GLIS3: variants seen among roughly 807,000 people sequenced by gnomAD.
The protein encoded by GLIS3 is zinc finger protein GLIS3.
In GLIS3, 53 loss-of-function variants were observed where a neutral mutation model predicts 78.6. The ratio of observed to expected loss-of-function variants is 0.67; its 90% CI spans 0.54 to 0.85. The LOEUF is 0.85. GLIS3 is among the 40% of genes least tolerant of loss of function. GLIS3 has a pLI of 0.00. For synonymous variants in GLIS3, 684 were observed against 509.9 expected (o/e 1.34, Z -4.60); for missense variants, 1,703 against 1,231.1 (o/e 1.38, Z -5.74).
chr9:4,218,629 T>C (rs538707615), intron 2 of GLIS3, among the ~76,000 whole-genome samples: 2 of 152,286 alleles, frequency 1.3e-5, no homozygotes, highest in Non-Finnish European at 2.9e-5. Flanking sequence ...TCCAATCTGG[T>C]AGATACCACC....
At chr9:4,167,536 T>C (rs1815972677) in intron 2 of GLIS3, among the ~76,000 whole-genome samples, 2 of 152,192 alleles carry the variant, frequency 1.3e-5, no homozygotes, top group Non-Finnish European at 1.5e-5. Flanking sequence ...ACATTCTCCA[T>C]GCCTGACAGA....
chr9:4,043,125 C>G (rs1263998926), intron 4 of GLIS3, among the ~76,000 whole-genome samples: 2 of 152,186 alleles, frequency 1.3e-5, no homozygotes, highest in African/African-American at 2.4e-5. Flanking sequence ...AGCCCCTCCC[C>G]TTCCCACAGC....
intron 7 of GLIS3, among the ~76,000 whole-genome samples, chr9:3,887,648 G>A (rs1007393626): frequency 1.3e-5 from 2 of 152,188 alleles, no homozygotes; most frequent in African/African-American, 4.8e-5. Context: ...TTAGTGTGTG[G>A]AAGAGGATAC....
chr9:4,435,919 A>C, the GLIS3 span, among the ~76,000 whole-genome samples: 1 of 152,220 alleles, frequency 6.6e-6, no homozygotes, highest in Admixed American at 6.5e-5. Flanking sequence ...ACTGCACTCC[A>C]GCCTGGGTGA....
chr9:4,137,534 T>G (rs1349595405), intron 2 of GLIS3, among the ~76,000 whole-genome samples: 3 of 152,190 alleles, frequency 2.0e-5, no homozygotes, highest in African/African-American at 7.2e-5. Flanking sequence ...GTGCCCTGGA[T>G]TCCTGTGCAT....
At chr9:3,856,231 G>A in intron 8 of GLIS3, 47 bp from the exon 9 acceptor site, 1 of 1,558,184 alleles carries the variant, frequency 6.4e-7, no homozygotes, top group South Asian at 1.1e-5. Context: ...TAAAACAGCA[G>A]GAACAAAGAC....
chr9:3,895,126 T>C (rs1822732824), intron 7 of GLIS3, among the ~76,000 whole-genome samples: 1 of 152,236 alleles, frequency 6.6e-6, no homozygotes, highest in South Asian at 2.1e-4. Context: ...CCATGATATC[T>C]CAGACTCACC....
chr9:4,390,909 G>C, the GLIS3 span, among the ~76,000 whole-genome samples: 1 of 152,178 alleles, frequency 6.6e-6, no homozygotes, highest in African/African-American at 2.4e-5. Flanking sequence ...TTTTAAAAAA[G>C]TTAATGCCCT....
At chr9:4,230,997 A>G (rs969663943) in intron 2 of GLIS3, among the ~76,000 whole-genome samples, 2 of 152,168 alleles carry the variant, frequency 1.3e-5, no homozygotes, top group Non-Finnish European at 2.9e-5. Flanking sequence ...ACTTGAGCCC[A>G]GGAGTTTGAG....
At chr9:4,315,777 G>C (rs1441599648) in intron 2 of GLIS3, among the ~76,000 whole-genome samples, 1 of 152,118 alleles carries the variant, frequency 6.6e-6, no homozygotes, top group African/African-American at 2.4e-5. Flanking sequence ...GAGAAAGAGT[G>C]ACTTGGGCCG....
the GLIS3 span, among the ~76,000 whole-genome samples, chr9:4,390,421 A>G: frequency 6.6e-6 from 1 of 151,300 alleles, no homozygotes; most frequent in South Asian, 2.1e-4. Context: ...GCTGTAGTGC[A>G]TTGGAGCATT....
chr9:3,870,714 C>G (rs1266708958), intron 8 of GLIS3, among the ~76,000 whole-genome samples: 1 of 152,244 alleles, frequency 6.6e-6, no homozygotes, highest in Non-Finnish European at 1.5e-5. Flanking sequence ...TTATCCCCAA[C>G]AGGTCCCTCC....
At chr9:4,027,409 TG>T (rs1367308181) in intron 4 of GLIS3, among the ~76,000 whole-genome samples, 1 of 152,178 alleles carries the variant, frequency 6.6e-6, no homozygotes, top group African/African-American at 2.4e-5. Context: ...TTCCCAGATT[TG>T]GTAAAGGACA....
the GLIS3 span, among the ~76,000 whole-genome samples, chr9:4,455,313 C>A: frequency 6.6e-6 from 1 of 152,190 alleles, no homozygotes; most frequent in Admixed American, 6.5e-5. Context: ...TGTCACCACA[C>A]TCTTTGTAGA....
intron 7 of GLIS3, among the ~76,000 whole-genome samples, chr9:3,881,270 C>G (rs1821711601): frequency 6.6e-6 from 1 of 151,488 alleles, no homozygotes; most frequent in Non-Finnish European, 1.5e-5. Context: ...GAAAACACAG[C>G]TAACTTTTTT....
intron 2 of GLIS3, among the ~76,000 whole-genome samples, chr9:4,167,453 C>T (rs2131112335): frequency 6.6e-6 from 1 of 152,300 alleles, no homozygotes; most frequent in Non-Finnish European, 1.5e-5. Flanking sequence ...TATATCCTCA[C>T]ATAAGCCTGC....
At chr9:3,904,119 G>A (rs1377628793) in intron 6 of GLIS3, among the ~76,000 whole-genome samples, 1 of 152,194 alleles carries the variant, frequency 6.6e-6, no homozygotes, top group Non-Finnish European at 1.5e-5. Flanking sequence ...TGTGACTACT[G>A]TGCTGGTTAG....
the GLIS3 span, among the ~76,000 whole-genome samples, chr9:4,454,555 A>C: frequency 6.6e-6 from 1 of 152,186 alleles, no homozygotes; most frequent in Non-Finnish European, 1.5e-5. Flanking sequence ...ATAGTATGCG[A>C]GGGAGGATGA....
chr9:4,456,021 T>C, the GLIS3 span, among the ~76,000 whole-genome samples: 1 of 152,004 alleles, frequency 6.6e-6, no homozygotes, highest in Non-Finnish European at 1.5e-5. Flanking sequence ...GGCAGGAGAA[T>C]GGCTCGAACC....
Sources: allele counts gnomAD v4.1 joint callset (sites outside exome capture counted in the v4.1 genomes callset), GRCh38; gene constraint gnomAD v4.1.1; transcripts MANE v1.5; gene names NCBI Gene and HGNC (gene_info 2026-07-23, HGNC 2026-07-21).